Variants in RORA observed in about 807,000 individuals in gnomAD.
RORA encodes the protein nuclear receptor ROR-alpha.
RORA carries 7 observed loss-of-function variants against 69.5 expected under a neutral mutation model. The observed-to-expected ratio is 0.10, with a 90% CI of 0.06 to 0.19. The LOEUF is 0.19. Among genes scored for constraint, RORA ranks in the 10% least tolerant of loss-of-function variants. The pLI, the probability that RORA is intolerant of heterozygous loss-of-function variation, is 1.00. For synonymous variants in RORA, 261 were observed against 240.8 expected, an observed-to-expected ratio of 1.08 and a Z score of -0.78; for missense variants, 457 against 663.0, an observed-to-expected ratio of 0.69 and a Z score of 3.41.
chr15:60,906,587 C>T (rs111631241), intron 1 of RORA, among the ~76,000 whole-genome samples: 120 of 152,220 alleles, frequency 7.9e-4, no homozygotes, highest in African/African-American at 2.7e-3. Context: ...AGCTTAATGC[C>T]CTCTGTGGTC....
chr15:61,018,555 T>C (rs545795208), intron 1 of RORA, among the ~76,000 whole-genome samples: 1 of 152,230 alleles, frequency 6.6e-6, no homozygotes, highest in African/African-American at 2.4e-5. Flanking sequence ...CATATATATA[T>C]TTGGATTCAT....
At chr15:61,122,497 T>C (rs1352173297) in intron 1 of RORA, among the ~76,000 whole-genome samples, 1 of 152,226 alleles carries the variant, frequency 6.6e-6, no homozygotes, top group Non-Finnish European at 1.5e-5. Context: ...ACTGACTTCA[T>C]GGCAGAACTG....
chr15:61,031,006 A>C (rs1896139779), intron 1 of RORA, among the ~76,000 whole-genome samples: 1 of 152,210 alleles, frequency 6.6e-6, no homozygotes, highest in Non-Finnish European at 1.5e-5. Context: ...GGTTATTTAA[A>C]ATATCATTAT....
chr15:60,832,356 C>A (rs188083349), intron 1 of RORA, among the ~76,000 whole-genome samples: 1 of 152,236 alleles, frequency 6.6e-6, no homozygotes, highest in East Asian at 1.9e-4. Context: ...GTAGTCTGGG[C>A]AAAACTGGGA....
At chr15:61,048,148 C>G (rs1897124120) in intron 1 of RORA, among the ~76,000 whole-genome samples, 1 of 152,188 alleles carries the variant, frequency 6.6e-6, no homozygotes, top group South Asian at 2.1e-4. Context: ...TACTTCTTCC[C>G]TTTAAATTCT....
chr15:60,991,116 G>A (rs1894362451), intron 1 of RORA, among the ~76,000 whole-genome samples: 1 of 152,190 alleles, frequency 6.6e-6, no homozygotes, highest in Non-Finnish European at 1.5e-5. Flanking sequence ...CCCAGTCCCT[G>A]TTGAGAAGAC....
In RORA at chr15:60,597,595, C is replaced by CATATATAT. The variant is rs1303389761; in HGVS notation, c.197-65745_197-65744insATATATAT. Among the ~76,000 whole-genome samples the CATATATAT allele has an allele frequency of 4.2e-3, 129 of 30,378 alleles. 10 individuals are homozygous for CATATATAT. Among genetic ancestry groups the CATATATAT allele is most frequent in the South Asian group, 7.7e-3 (6 of 784 alleles). 19.9% of individuals were successfully genotyped at this position (30,378 alleles called of 152,430 possible). A position where few individuals can be genotyped will look rare whatever the true frequency, so the allele number is the denominator to read the frequency against. On this transcript the variant is annotated intron_variant, in intron 2 of 10. Coordinates refer to ENST00000335670, the MANE Select transcript of RORA (RefSeq NM_134261.3). ...ATATACACATATATATATATATATA[C>CATATATAT]ACATATATATATATATATATATACA...
chr15:60,955,322 AT>A (rs1019580420), intron 1 of RORA, among the ~76,000 whole-genome samples: 65 of 152,352 alleles, frequency 4.3e-4, no homozygotes, highest in African/African-American at 1.5e-3. Flanking sequence ...AAACAAAAAA[AT>A]AATTGTAACG....
intron 2 of RORA, among the ~76,000 whole-genome samples, chr15:60,619,060 AAC>A (rs2069333905): frequency 6.6e-6 from 1 of 152,226 alleles, no homozygotes; most frequent in Non-Finnish European, 1.5e-5. Context: ...GTTCCTGGCA[AAC>A]ACAGTTACAC....
intron 1 of RORA, among the ~76,000 whole-genome samples, chr15:60,917,939 T>C (rs1005432008): frequency 6.6e-6 from 1 of 152,248 alleles, no homozygotes; most frequent in African/African-American, 2.4e-5. Flanking sequence ...CGCAGCCCTC[T>C]GAGCACAAAA....
At chr15:60,568,491 G>A (rs554273996) in intron 2 of RORA, among the ~76,000 whole-genome samples, 7 of 152,186 alleles carry the variant, frequency 4.6e-5, no homozygotes, top group African/African-American at 1.4e-4. Flanking sequence ...TGCATACCCC[G>A]GCTCAGTGTG....
chr15:60,514,539 G>A (rs986782135), intron 4 of RORA, 77 bp downstream of exon 4: 2 of 1,409,236 alleles, frequency 1.4e-6, no homozygotes, highest in Non-Finnish European at 2.0e-6. Flanking sequence ...GGCAGATATT[G>A]GCAGATCTGA....
intron 2 of RORA, among the ~76,000 whole-genome samples, chr15:60,551,640 C>A (rs2067230092): frequency 6.6e-6 from 1 of 152,192 alleles, no homozygotes; most frequent in Non-Finnish European, 1.5e-5. Flanking sequence ...GAAAGAGATG[C>A]ACAGCCTCTA....
chr15:60,560,257 CTTTTG>C (rs902096727), intron 2 of RORA, among the ~76,000 whole-genome samples: 4 of 151,962 alleles, frequency 2.6e-5, no homozygotes, highest in African/African-American at 4.8e-5. Context: ...AAAATTTTTT[CTTTTG>C]TTTTGTTTGT....
chr15:60,530,452 C>G (rs1262697705), intron 3 of RORA: 4 of 152,064 alleles, frequency 2.6e-5, no homozygotes, highest in African/African-American at 9.7e-5. Context: ...CACCACTACA[C>G]CGGGCCTCTC....
chr15:60,882,078 G>C (rs991691322), intron 1 of RORA, among the ~76,000 whole-genome samples: 3 of 152,168 alleles, frequency 2.0e-5, no homozygotes, highest in Non-Finnish European at 2.9e-5. Context: ...CCCAGGTGGG[G>C]CTTCAGCCTT....
intron 1 of RORA, among the ~76,000 whole-genome samples, chr15:61,121,387 A>G (rs1023416567): frequency 8.5e-5 from 13 of 152,198 alleles, no homozygotes; most frequent in Admixed American, 7.8e-4. Flanking sequence ...TGACTTTTGT[A>G]GCCCACCACC....
chr15:60,894,657 G>A (rs904318216), intron 1 of RORA, among the ~76,000 whole-genome samples: 9 of 152,168 alleles, frequency 5.9e-5, no homozygotes, highest in African/African-American at 2.2e-4. Flanking sequence ...AGATTGCTGG[G>A]CTCCCTCCCT....
At chr15:60,696,421 T>A (rs2140783795) in intron 1 of RORA, among the ~76,000 whole-genome samples, 1 of 152,072 alleles carries the variant, frequency 6.6e-6, no homozygotes, top group South Asian at 2.1e-4. Flanking sequence ...ATTAGCCAAA[T>A]CCCCTCTAGC....
Sources: allele counts gnomAD v4.1 joint callset (sites outside exome capture counted in the v4.1 genomes callset), GRCh38; gene constraint gnomAD v4.1.1; transcripts MANE v1.5; gene names NCBI Gene and HGNC (gene_info 2026-07-23, HGNC 2026-07-21).